Variants in SKAP2 observed in about 807,000 individuals in gnomAD.
The protein encoded by SKAP2 is src kinase associated phosphoprotein 2, also known as src kinase-associated phosphoprotein 2.
Under a neutral mutation model 54.9 loss-of-function variants are expected in SKAP2, and 28 were observed. The observed-to-expected ratio is 0.51, with a 90% CI of 0.38 to 0.70. The LOEUF is 0.70. Ranked by LOEUF, SKAP2 falls within the 30% of genes least tolerant of loss-of-function variation. The pLI is 0.00. For missense variants in SKAP2, 356 were observed against 424.1 expected (o/e 0.84, Z 1.41); for synonymous variants, 137 against 134.3 (o/e 1.02, Z -0.14).
At chr7:26,747,229 C>T (rs1183617405) in intron 4 of SKAP2, among the ~76,000 whole-genome samples, 2 of 152,172 alleles carry the variant, frequency 1.3e-5, no homozygotes, top group Non-Finnish European at 2.9e-5. Context: ...TATACTAGTA[C>T]TGGCGATCTC....
chr7:26,772,671 G>A (rs1783213079), intron 4 of SKAP2, among the ~76,000 whole-genome samples: 2 of 152,124 alleles, frequency 1.3e-5, no homozygotes, highest in African/African-American at 4.8e-5. Context: ...ATTGTGAATA[G>A]TGCTTGTATG....
intron 9 of SKAP2, among the ~76,000 whole-genome samples, chr7:26,722,911 G>C (rs1333193043): frequency 6.6e-6 from 1 of 152,108 alleles, no homozygotes; most frequent in East Asian, 1.9e-4. Context: ...CAACTAAGAG[G>C]ATTAGTTTTC....
chr7:26,768,301 C>A (rs1249489278), intron 4 of SKAP2, among the ~76,000 whole-genome samples: 2 of 139,454 alleles, frequency 1.4e-5, no homozygotes, highest in African/African-American at 5.8e-5. Context: ...TTTTTGCTTT[C>A]CATTTGCTTG....
intron 1 of SKAP2, 92 bp from the exon 2 acceptor site, chr7:26,854,982 G>A: frequency 1.2e-6 from 1 of 839,318 alleles, no homozygotes; most frequent in South Asian, 1.7e-5. Context: ...CTACATATAA[G>A]TGTTAATACC....
intron 4 of SKAP2, among the ~76,000 whole-genome samples, chr7:26,771,890 A>G (rs891876): frequency 0.38 from 57,952 of 152,068 alleles, 11,631 homozygotes; most frequent in Middle Eastern, 0.48. Context: ...CTGAATAACA[A>G]ACGGGTTTGG....
In SKAP2 at chr7:26,766,378, C is replaced by T. The variant is rs1026157685; in HGVS notation, c.308-26414G>A. Among the ~76,000 whole-genome samples, 22 of 151,714 alleles carry T rather than the reference C, an allele frequency of 1.5e-4. 1 individual carries two copies. The South Asian group carries it at 1.5e-3, about 10-fold the overall frequency. On this transcript the variant is annotated intron_variant, in intron 4 of 12. Transcript: ENST00000345317. Reference sequence around the variant, plus strand: ...AGCTTAAGGAGATTTTAGGCTCAGACGATGGGGTTTTCTAAATATACAATC... The same window carrying T: ...AGCTTAAGGAGATTTTAGGCTCAGATGATGGGGTTTTCTAAATATACAATC...
At chr7:26,723,918 T>C (rs1316889855) in intron 9 of SKAP2, among the ~76,000 whole-genome samples, 1 of 152,150 alleles carries the variant, frequency 6.6e-6, no homozygotes, top group Non-Finnish European at 1.5e-5. Flanking sequence ...AAAATAATTG[T>C]ATTAATGATA....
At chr7:26,836,640 C>A (rs1417541723) in intron 4 of SKAP2, among the ~76,000 whole-genome samples, 1 of 152,132 alleles carries the variant, frequency 6.6e-6, no homozygotes, top group Non-Finnish European at 1.5e-5. Context: ...CCATGAGATA[C>A]CATCTTACAC....
intron 4 of SKAP2, among the ~76,000 whole-genome samples, chr7:26,829,251 C>A (rs922754718): frequency 6.6e-6 from 1 of 152,090 alleles, no homozygotes; most frequent in African/African-American, 2.4e-5. Context: ...GGTGCAGTGG[C>A]TCATGCCTGT....
intron 3 of SKAP2, among the ~76,000 whole-genome samples, chr7:26,847,738 T>C (rs1014293440): frequency 1.3e-5 from 2 of 152,196 alleles, no homozygotes; most frequent in South Asian, 4.1e-4. Context: ...CCACTGACAA[T>C]AGCATAAATT....
At chr7:26,809,015 T>C (rs1165158119) in intron 4 of SKAP2, among the ~76,000 whole-genome samples, 1 of 152,116 alleles carries the variant, frequency 6.6e-6, no homozygotes, top group Non-Finnish European at 1.5e-5. Context: ...AGACAGCCTA[T>C]GGAATAGGAG....
chr7:26,665,790 T>G (rs1201715509), downstream of SKAP2, among the ~76,000 whole-genome samples: 1 of 152,144 alleles, frequency 6.6e-6, no homozygotes, highest in Admixed American at 6.6e-5. Context: ...TATAATAAAC[T>G]GGCTAAAGCT....
rs1383919308 is a variant in SKAP2, at chr7:26,669,085, T to G, written c.*581A>C. ...CACTGCCATTTGCAACTTCATCATTTTTTCTTTCTTGCGGCTGTACTTAAT... is the reference window on the plus strand; with the variant it reads ...CACTGCCATTTGCAACTTCATCATTGTTTCTTTCTTGCGGCTGTACTTAAT... On this transcript the variant is annotated 3_prime_UTR_variant, in exon 13 of 13. Transcript: ENST00000345317. 6.6e-6 allele frequency: 1 copy of G among 152,146 alleles called. No homozygotes were observed. The highest frequency in any genetic ancestry group is 2.4e-5 in the African/African-American group (1 of 41,440). 9.4% of individuals were successfully genotyped at this position (152,146 alleles called of 1,614,324 possible).
chr7:26,728,496 G>A (rs979785486), intron 6 of SKAP2, among the ~76,000 whole-genome samples: 6 of 151,988 alleles, frequency 3.9e-5, no homozygotes, highest in African/African-American at 1.4e-4. Context: ...CACCTAACTA[G>A]GAAACTATTG....
intron 4 of SKAP2, among the ~76,000 whole-genome samples, chr7:26,803,634 A>T (rs1485399608): frequency 6.6e-6 from 1 of 152,200 alleles, no homozygotes; most frequent in African/African-American, 2.4e-5. Flanking sequence ...GCCCAAAAGA[A>T]AGGAAATCAG....
intron 3 of SKAP2, among the ~76,000 whole-genome samples, chr7:26,852,060 C>G (rs989819239): frequency 6.6e-6 from 1 of 151,964 alleles, no homozygotes; most frequent in African/African-American, 2.4e-5. Flanking sequence ...CACAATGTGA[C>G]CCTACATTGA....
chr7:26,847,500 TA>T (rs970776610), intron 3 of SKAP2, among the ~76,000 whole-genome samples: 127 of 144,732 alleles, frequency 8.8e-4, no homozygotes, highest in East Asian at 1.8e-3. Context: ...TTCGATAAAT[TA>T]AAAAAAAAAA....
chr7:26,723,557 G>T (rs1176906530), intron 9 of SKAP2, among the ~76,000 whole-genome samples: 1 of 152,028 alleles, frequency 6.6e-6, no homozygotes, highest in African/African-American at 2.4e-5. Context: ...TGGGTGAGGA[G>T]GGGGGCAAGG....
intron 4 of SKAP2, among the ~76,000 whole-genome samples, chr7:26,804,729 A>G (rs988992152): frequency 2.1e-5 from 3 of 141,536 alleles, no homozygotes; most frequent in African/African-American, 7.9e-5. Flanking sequence ...ACAGAGTGAG[A>G]CCCCGTCTCA....
Sources: gnomAD v4.1 joint callset for allele counts (sites outside exome capture counted in the v4.1 genomes callset) on GRCh38, gnomAD v4.1.1 for gene constraint, MANE v1.5 for transcripts, NCBI Gene and HGNC (gene_info 2026-07-23, HGNC 2026-07-21) for gene names.